Variants in ZC3H12B observed in about 807,000 individuals in gnomAD.
The protein encoded by ZC3H12B is probable ribonuclease ZC3H12B.
In ZC3H12B, 7 loss-of-function variants were observed where a neutral mutation model predicts 43.9. That is an observed-to-expected ratio of 0.16 (90% confidence interval 0.09 to 0.30). The LOEUF (loss-of-function observed/expected upper bound fraction) is 0.30. Among genes scored for constraint, ZC3H12B ranks in the 10% least tolerant of loss-of-function variants. The pLI is 1.00. For synonymous variants in ZC3H12B, 222 were observed against 241.7 expected, an observed-to-expected ratio of 0.92 and a Z score of 0.76; for missense variants, 475 against 670.2, an observed-to-expected ratio of 0.71 and a Z score of 3.22.
the ZC3H12B span, among the ~76,000 whole-genome samples, chrX:65,329,265 AT>A: frequency 6.3e-5 from 7 of 111,269 alleles, no homozygotes; most frequent in African/African-American, 2.3e-4. Flanking sequence ...ATGGCATCTC[AT>A]TGTGGTTTTG....
the ZC3H12B span, among the ~76,000 whole-genome samples, chrX:65,291,410 G>A: frequency 8.9e-6 from 1 of 111,890 alleles, no homozygotes; most frequent in Admixed American, 9.5e-5. Flanking sequence ...TTCATCAGTG[G>A]ATGTATAGAT....
At chrX:65,334,314 T>C in the ZC3H12B span, among the ~76,000 whole-genome samples, 1 of 112,268 alleles carries the variant, frequency 8.9e-6, no homozygotes, top group African/African-American at 3.2e-5. Flanking sequence ...TTTTACAAGA[T>C]TAATTTTTCA....
the ZC3H12B span, among the ~76,000 whole-genome samples, chrX:65,057,852 C>T: frequency 8.9e-6 from 1 of 111,785 alleles, no homozygotes; most frequent in Non-Finnish European, 1.9e-5. Context: ...ATCACTGATA[C>T]CCTTTCTTCC....
the ZC3H12B span, among the ~76,000 whole-genome samples, chrX:65,180,294 A>G: frequency 8.9e-6 from 1 of 112,107 alleles, no homozygotes; most frequent in Non-Finnish European, 1.9e-5. Context: ...GCGTTTGATA[A>G]ATTTCAACAT....
chrX:65,051,802 AG>A, the ZC3H12B span, among the ~76,000 whole-genome samples: 6 of 110,471 alleles, frequency 5.4e-5, no homozygotes, highest in Non-Finnish European at 1.9e-5. Flanking sequence ...TTTGGCAGGC[AG>A]GGGATAGGAA....
At chrX:65,217,282 G>A in the ZC3H12B span, among the ~76,000 whole-genome samples, 29 of 112,161 alleles carry the variant, frequency 2.6e-4, no homozygotes, top group East Asian at 4.5e-3. Flanking sequence ...AACCACAGGC[G>A]TAGGTTAACA....
At chrX:65,178,580 T>C in the ZC3H12B span, among the ~76,000 whole-genome samples, 8 of 111,332 alleles carry the variant, frequency 7.2e-5, 1 homozygote, top group South Asian at 2.6e-3. Flanking sequence ...AAAAACAACC[T>C]TATCAAAAAA....
chrX:65,220,085 A>G, the ZC3H12B span, among the ~76,000 whole-genome samples: 1 of 111,613 alleles, frequency 9.0e-6, no homozygotes, highest in Non-Finnish European at 1.9e-5. Flanking sequence ...ATTAGCCAAG[A>G]ATTTTGTATC....
chrX:65,457,441 T>G (rs1239447401), intron 3 of ZC3H12B, among the ~76,000 whole-genome samples: 4 of 71,490 alleles, frequency 5.6e-5, no homozygotes, highest in African/African-American at 2.8e-4. Flanking sequence ...GGGAGGGTGG[T>G]GGGGGGGTCA....
chrX:65,068,943 T>C, the ZC3H12B span, among the ~76,000 whole-genome samples: 1 of 109,710 alleles, frequency 9.1e-6, no homozygotes, highest in African/African-American at 3.3e-5. Flanking sequence ...TTTAAATATA[T>C]CATGCCACTG....
chrX:65,225,344 A>G, the ZC3H12B span, among the ~76,000 whole-genome samples: 1 of 112,532 alleles, frequency 8.9e-6, no homozygotes, highest in African/African-American at 3.2e-5. Flanking sequence ...ACTAACAAAC[A>G]GAAAAGACAT....
At chrX:65,096,642 A>T in the ZC3H12B span, among the ~76,000 whole-genome samples, 2 of 111,718 alleles carry the variant, frequency 1.8e-5, no homozygotes, top group Non-Finnish European at 3.8e-5. Context: ...AATGGGGCAG[A>T]GAATCATTTT....
At chrX:65,322,750 T>G in the ZC3H12B span, among the ~76,000 whole-genome samples, 1 of 111,743 alleles carries the variant, frequency 8.9e-6, no homozygotes, top group East Asian at 2.8e-4. Context: ...ACGCAAAGTT[T>G]AGAATTTTTT....
chrX:65,219,150 A>G, the ZC3H12B span, among the ~76,000 whole-genome samples: 1 of 111,819 alleles, frequency 8.9e-6, no homozygotes, highest in Non-Finnish European at 1.9e-5. Context: ...GGAGCATGCC[A>G]TGAGACAAAA....
intron 3 of ZC3H12B, among the ~76,000 whole-genome samples, chrX:65,416,656 G>A (rs1357440410): frequency 1.8e-5 from 2 of 109,118 alleles, no homozygotes; most frequent in Non-Finnish European, 3.8e-5. Flanking sequence ...CAAGTGTGGT[G>A]GTGGGCGCCT....
chrX:65,080,777 C>T, the ZC3H12B span, among the ~76,000 whole-genome samples: 3 of 111,236 alleles, frequency 2.7e-5, no homozygotes, highest in East Asian at 2.8e-4. Context: ...CAAGTAATCA[C>T]CTGAAGGTAC....
the ZC3H12B span, among the ~76,000 whole-genome samples, chrX:65,340,718 C>T: frequency 8.9e-6 from 1 of 112,247 alleles, no homozygotes; most frequent in Non-Finnish European, 1.9e-5. Context: ...AGGATAGCAA[C>T]TTCAAGTATT....
intron 2 of ZC3H12B, among the ~76,000 whole-genome samples, chrX:65,384,301 T>G (rs1381385249): frequency 9.2e-6 from 1 of 108,521 alleles, no homozygotes; most frequent in Non-Finnish European, 1.9e-5. Flanking sequence ...TTCTCACTCA[T>G]AGGTGGGAAT....
chrX:65,224,820 G>C, the ZC3H12B span, among the ~76,000 whole-genome samples: 7 of 112,053 alleles, frequency 6.2e-5, no homozygotes, highest in African/African-American at 2.3e-4. Flanking sequence ...CGAGGCTGGG[G>C]GAAGGGTGCC....
Sources: allele counts gnomAD v4.1 joint callset (sites outside exome capture counted in the v4.1 genomes callset), GRCh38; gene constraint gnomAD v4.1.1; transcripts MANE v1.5; gene names NCBI Gene and HGNC (gene_info 2026-07-23, HGNC 2026-07-21).